SPATA16: variants seen among roughly 807,000 people sequenced by gnomAD.
The protein encoded by SPATA16 is spermatogenesis-associated protein 16.
In SPATA16, 36 loss-of-function variants were observed where a neutral mutation model predicts 63.3. The ratio of observed to expected loss-of-function variants is 0.57; its 90% CI spans 0.44 to 0.75. The LOEUF is 0.75. SPATA16 is among the 30% of genes least tolerant of loss of function. The probability of loss-of-function intolerance (pLI) is 0.00; values close to 1 mark genes in which losing one functional copy is unlikely to be tolerated. For missense variants in SPATA16, 646 were observed against 679.3 expected (o/e 0.95, Z 0.54); for synonymous variants, 203 against 216.7 (o/e 0.94, Z 0.56).
intron 4 of SPATA16, among the ~76,000 whole-genome samples, chr3:173,013,633 T>C (rs1024692141): frequency 2.6e-5 from 4 of 152,228 alleles, no homozygotes; most frequent in Non-Finnish European, 4.4e-5. Flanking sequence ...GGATTGCACA[T>C]GACTGTTGCT....
At chr3:173,085,261 T>A (rs1195091700) in intron 2 of SPATA16, among the ~76,000 whole-genome samples, 1 of 152,158 alleles carries the variant, frequency 6.6e-6, no homozygotes, top group Non-Finnish European at 1.5e-5. Flanking sequence ...GGTATTTTAT[T>A]CTCTTTGTAG....
At chr3:173,090,371 T>C (rs939083544) in intron 2 of SPATA16, among the ~76,000 whole-genome samples, 16 of 152,154 alleles carry the variant, frequency 1.1e-4, no homozygotes, top group African/African-American at 3.6e-4. Flanking sequence ...GTATGCTTCC[T>C]GTACAGCCTG....
At chr3:173,099,672 C>CA in intron 2 of SPATA16, among the ~76,000 whole-genome samples, 1 of 152,114 alleles carries the variant, frequency 6.6e-6, no homozygotes, top group African/African-American at 2.4e-5. Context: ...ATTACCTATT[C>CA]AAAAAATGAA....
At chr3:173,133,497 C>T (rs940339302) in intron 1 of SPATA16, among the ~76,000 whole-genome samples, 1 of 152,124 alleles carries the variant, frequency 6.6e-6, no homozygotes, top group Non-Finnish European at 1.5e-5. Flanking sequence ...TTAGTGACTT[C>T]CCCCGGCCAC....
At chr3:172,968,539 C>CTATGTA (rs753019423) in intron 5 of SPATA16, among the ~76,000 whole-genome samples, 87 of 151,768 alleles carry the variant, frequency 5.7e-4, no homozygotes, top group Admixed American at 9.2e-4. Context: ...ATCAATGTCA[C>CTATGTA]TATGTATATG....
At chr3:173,120,490 A>T (rs1738033112) in intron 1 of SPATA16, among the ~76,000 whole-genome samples, 1 of 152,146 alleles carries the variant, frequency 6.6e-6, no homozygotes, top group South Asian at 2.1e-4. Context: ...CCTCCCAGGT[A>T]TCTTATCTTA....
intron 1 of SPATA16, among the ~76,000 whole-genome samples, chr3:173,128,462 A>C (rs991705234): frequency 3.9e-5 from 6 of 152,198 alleles, no homozygotes; most frequent in Non-Finnish European, 8.8e-5. Context: ...AGTATGCATC[A>C]GAATCCCCTG....
intron 3 of SPATA16, among the ~76,000 whole-genome samples, chr3:173,029,406 G>GTTTTTTTT (rs57233262): frequency 1.6e-4 from 22 of 139,842 alleles, no homozygotes; most frequent in African/African-American, 5.8e-4. Context: ...AGTAATCAGA[G>GTTTTTTTT]TTTTTTTTTT....
rs537822617 is a variant in SPATA16, at chr3:172,981,292, A to G, written c.849-4240T>C. Among the ~76,000 whole-genome samples, 4 of 152,280 alleles carry G rather than the reference A, an allele frequency of 2.6e-5. No homozygotes were observed. The East Asian group carries it at 7.7e-4, about 29-fold the overall frequency. ...TCTCCATCGGTTTATTCTCAACACA[A>G]TAGTCAGAGTGATCCCATTAAAATT... On this transcript the variant is annotated intron_variant, in intron 4 of 10. Coordinates refer to ENST00000351008, the MANE Select transcript of SPATA16 (RefSeq NM_031955.6).
rs190251032 is a variant in SPATA16 at position 172,948,786 on chromosome 3, A to G, written c.1081+7891T>C. ...CTAGCCAAACTGAGGGATTTCATCAATACCAGACCTGTCTATTCATAGGAC... is the reference window on the plus strand; with the variant it reads ...CTAGCCAAACTGAGGGATTTCATCAGTACCAGACCTGTCTATTCATAGGAC... On this transcript the variant is annotated intron_variant, in intron 6 of 10. Transcript: ENST00000351008. Among the ~76,000 whole-genome samples the G allele has an allele frequency of 1.7e-4, 26 of 152,264 alleles. No individual in the cohort carries two copies. In the East Asian group the frequency reaches 5.0e-3, roughly 29 times the overall value.
chr3:173,027,756 A>G (rs1240892081), intron 3 of SPATA16, among the ~76,000 whole-genome samples: 1 of 151,676 alleles, frequency 6.6e-6, no homozygotes, highest in African/African-American at 2.4e-5. Flanking sequence ...CTCTTCCCCA[A>G]AGCAGAGGGT....
intron 6 of SPATA16, among the ~76,000 whole-genome samples, chr3:172,939,418 A>G (rs1179639863): frequency 6.6e-6 from 1 of 152,214 alleles, no homozygotes; most frequent in Non-Finnish European, 1.5e-5. Context: ...ATTTGGGGCA[A>G]TAGACAGGCA....
In SPATA16 at chr3:172,889,517, G is replaced by A; in HGVS notation, c.*53C>T. The A allele has an allele frequency of 1.2e-6, 2 of 1,611,574 alleles. No homozygotes were observed. Among genetic ancestry groups the A allele is most frequent in the Non-Finnish European group, 1.7e-6 (2 of 1,179,314 alleles). On this transcript the variant is annotated 3_prime_UTR_variant, in exon 11 of 11. Coordinates refer to ENST00000351008, the MANE Select transcript of SPATA16 (RefSeq NM_031955.6). ...GTACTAGGTGGGCATTGGAGTGGAT[G>A]CCCTTGCCTCTTCTTCTGGGATATC... is the stretch of plus-strand genomic sequence containing the variant.
chr3:173,075,145 AG>A (rs1474239712), intron 2 of SPATA16, among the ~76,000 whole-genome samples: 1 of 149,482 alleles, frequency 6.7e-6, no homozygotes, highest in East Asian at 2.0e-4. Context: ...CTAAAATAAA[AG>A]TTGAAATTAT....
At chr3:172,892,829 T>C (rs1241520836) in intron 10 of SPATA16, among the ~76,000 whole-genome samples, 13 of 152,202 alleles carry the variant, frequency 8.5e-5, no homozygotes, top group Admixed American at 6.5e-4. Context: ...CTTAACTGTA[T>C]CAGATAGGCT....
chr3:173,084,369 G>T (rs1736996810), intron 2 of SPATA16, among the ~76,000 whole-genome samples: 1 of 151,926 alleles, frequency 6.6e-6, no homozygotes, highest in Admixed American at 6.6e-5. Context: ...AGGGTTGTTT[G>T]TTTTTTTCTT....
At chr3:172,905,679 G>T (rs959544873) in intron 10 of SPATA16, among the ~76,000 whole-genome samples, 1 of 129,530 alleles carries the variant, frequency 7.7e-6, no homozygotes, top group African/African-American at 3.1e-5. Flanking sequence ...ATCACAATAA[G>T]TATGATTCAT....
intron 10 of SPATA16, among the ~76,000 whole-genome samples, chr3:172,909,080 T>C (rs1343371778): frequency 1.3e-5 from 2 of 152,180 alleles, no homozygotes; most frequent in Non-Finnish European, 2.9e-5. Context: ...TTTGGAAAGA[T>C]TGGCTGCTCA....
intron 3 of SPATA16, among the ~76,000 whole-genome samples, chr3:173,021,178 G>C (rs1735322218): frequency 6.6e-6 from 1 of 152,192 alleles, no homozygotes; most frequent in South Asian, 2.1e-4. Flanking sequence ...GAGATGGATC[G>C]ACTGTATAAC....
Sources: gnomAD v4.1 joint callset for allele counts (sites outside exome capture counted in the v4.1 genomes callset) on GRCh38, gnomAD v4.1.1 for gene constraint, MANE v1.5 for transcripts, NCBI Gene and HGNC (gene_info 2026-07-23, HGNC 2026-07-21) for gene names.